ACOT8: variants seen among roughly 807,000 people sequenced by gnomAD.
ACOT8 encodes acyl-coenzyme A thioesterase 8.
ACOT8 carries 31 observed loss-of-function variants against 38.4 expected under a neutral mutation model. The observed-to-expected ratio is 0.81, with a 90% CI of 0.61 to 1.09. The LOEUF (loss-of-function observed/expected upper bound fraction) is 1.09. Ranked by LOEUF, ACOT8 falls within the 50% of genes least tolerant of loss-of-function variation. The pLI is 0.00. For synonymous variants in ACOT8, 158 were observed against 170.3 expected, an observed-to-expected ratio of 0.93 and a Z score of 0.56; for missense variants, 373 against 421.8, an observed-to-expected ratio of 0.88 and a Z score of 1.01.
chr20:45,857,184 C>A lies in ACOT8; in HGVS notation c.128+4G>T. ...GGGGATGCTGGGCAGGAGCTGCCGG[C>A]TACCTGAAGAGATCCTCGTCCAGCG... On this transcript the variant is annotated splice_donor_region_variant and intron_variant, in intron 1 of 5. Transcript: ENST00000217455. The A allele has an allele frequency of 6.2e-7, 1 of 1,611,042 alleles. No individual in the cohort carries two copies.
In ACOT8 at chr20:45,844,335, G is replaced by T. The variant is rs140358367; in HGVS notation, c.574C>A (p.Pro192Thr). 1.3e-4 allele frequency: 211 copies of T among 1,614,172 alleles called. No homozygotes were observed. The Middle Eastern group carries it at 2.8e-3, about 21-fold the overall frequency. Residue 192 changes from proline to threonine, a missense_variant, in exon 4 of 6, where the codon CCA (proline) becomes ACA (threonine). By Grantham distance (38) the Pro-to-Thr change is conservative. Transcript: ENST00000217455. ...CTCTGCAGCTGGCTCAGGGGGGATG[G>T]GTTTACTGGCTTGATCTCAATGGGG... ...EVPIEIKPVN[P>T]SPLSQLQRME...
At chr20:45,857,065 G>A in intron 1 of ACOT8, 123 bp downstream of exon 1, 1 of 1,177,096 alleles carries the variant, frequency 8.5e-7, no homozygotes, top group Non-Finnish European at 1.2e-6. Flanking sequence ...TCTCCTAATC[G>A]TGGCAGAGGG....
chr20:45,843,030 A>G, intron 5 of ACOT8: 2 of 1,111,266 alleles, frequency 1.8e-6, no homozygotes, highest in East Asian at 6.8e-5. Context: ...GATCCCAATC[A>G]GGTTAATCAG....
intron 5 of ACOT8, 158 bp downstream of exon 5, chr20:45,843,369 C>G: frequency 3.1e-6 from 3 of 978,624 alleles, no homozygotes; most frequent in Non-Finnish European, 4.7e-6. Context: ...CGGCCTCACC[C>G]TCTCATTTTG....
intron 3 of ACOT8, 53 bp downstream of exon 3, chr20:45,848,397 C>CA: frequency 6.8e-7 from 1 of 1,463,070 alleles, no homozygotes; most frequent in Non-Finnish European, 9.2e-7. Flanking sequence ...GACCCACAAA[C>CA]AGATAGCAGC....
At chr20:45,855,729 G>A (rs757368707) in intron 1 of ACOT8, among the ~76,000 whole-genome samples, 2 of 151,954 alleles carry the variant, frequency 1.3e-5, no homozygotes, top group African/African-American at 4.8e-5. Context: ...CTCCAGCCTG[G>A]GTGACAGAGC....
chr20:45,843,510 C>A lies in ACOT8; in HGVS notation c.841+17G>T. 2 of 1,605,988 alleles carry A rather than the reference C, an allele frequency of 1.2e-6. No individual in the cohort carries two copies. The highest frequency in any genetic ancestry group is 1.7e-6 in the Non-Finnish European group (2 of 1,175,372). ...ACTCAAGGTCAGTGCCCTTGTCCCA[C>A]ACGGCCCCACACTCACCGGCCCAGG... On this transcript the variant is annotated intron_variant, in intron 5 of 5. Coordinates refer to ENST00000217455, the MANE Select transcript of ACOT8 (RefSeq NM_005469.4).
intron 1 of ACOT8, 68 bp from the exon 2 acceptor site, chr20:45,855,360 C>A: frequency 6.4e-7 from 1 of 1,573,804 alleles, no homozygotes; most frequent in Non-Finnish European, 8.7e-7. Flanking sequence ...CTCACTAAGA[C>A]TCTAATGCAT....
chr20:45,854,495 C>G (rs571108661), intron 2 of ACOT8, among the ~76,000 whole-genome samples: 8 of 152,190 alleles, frequency 5.3e-5, no homozygotes, highest in Non-Finnish European at 1.0e-4. Context: ...AGGCGTGAGC[C>G]ACCGCGCCCG....
chr20:45,841,932 C>G lies in ACOT8; in HGVS notation c.866G>C (p.Gly289Ala). 1 of 1,613,350 alleles carries G rather than the reference C, an allele frequency of 6.2e-7. No individual in the cohort carries two copies. The highest frequency in any genetic ancestry group is 8.5e-7 in the Non-Finnish European group (1 of 1,179,974). ...GACTCCATCCTGACGCCACAGCCGC[C>G]CATGGACCAGCCCCCGAGAGCCACC... is the stretch of plus-strand genomic sequence containing the variant. Reference protein sequence around the residue: ...WAGGSRGLVHGRLWRQDGVLA... With the variant: ...WAGGSRGLVHARLWRQDGVLA... The change falls in exon 6 of 6, where the codon GGG becomes GCG. Residue 289 changes from glycine to alanine, a missense_variant. Coordinates refer to ENST00000217455, the MANE Select transcript of ACOT8 (RefSeq NM_005469.4).
chr20:45,850,455 G>A, intron 2 of ACOT8, among the ~76,000 whole-genome samples: 1 of 152,202 alleles, frequency 6.6e-6, no homozygotes, highest in South Asian at 2.1e-4. Context: ...CTACAAGTCT[G>A]ACTTGTGGAT....
Position 45,857,175 on chromosome 20 carries a change from A to T in ACOT8, c.128+13T>A. The T allele has an allele frequency of 6.2e-7, 1 of 1,608,880 alleles. No individual in the cohort carries two copies. ...CCTAAAGGAGGGGATGCTGGGCAGG[A>T]GCTGCCGGCTACCTGAAGAGATCCT... On this transcript the variant is annotated intron_variant, in intron 1 of 5. Coordinates refer to ENST00000217455, the MANE Select transcript of ACOT8 (RefSeq NM_005469.4).
Position 45,848,455 on chromosome 20 carries a change from A to C in ACOT8, c.483T>G (p.Tyr161Ter), listed in dbSNP as rs746912229. The change falls in exon 3 of 6, where the codon TAT (tyrosine) becomes TAG (stop). Residue 161 changes from tyrosine (Y) to a stop codon, truncating the protein, a stop_gained. Transcript: ENST00000217455. LOFTEE classifies it high-confidence loss of function. ...LLDCETLIDQ[Y>*]LRDPNLQKRY... ...GGAGCCTCCAGGTCTCTCACCTTAA[A>C]TACTGGTCAATGAGGGTCTCACAGT... is the stretch of plus-strand genomic sequence containing the variant. 1.4e-5 allele frequency: 22 copies of C among 1,599,248 alleles called. No homozygotes were observed. In the South Asian group the frequency reaches 2.5e-4, roughly 18 times the overall value.
At chr20:45,853,590 C>A (rs1985197025) in intron 2 of ACOT8, 2 of 173,980 alleles carry the variant, frequency 1.1e-5, no homozygotes. Context: ...AATGCCCCCA[C>A]CCACACAAAA....
At chr20:45,845,828 T>G (rs1037658280) in intron 3 of ACOT8, among the ~76,000 whole-genome samples, 11 of 131,110 alleles carry the variant, frequency 8.4e-5, no homozygotes, top group African/African-American at 1.3e-4. Context: ...CTGACTTTGG[T>G]TTTTTTTTGT....
At chr20:45,843,951 T>G in intron 4 of ACOT8, 1 of 920,282 alleles carries the variant, frequency 1.1e-6, no homozygotes, top group Non-Finnish European at 1.6e-6. Flanking sequence ...TCTCCCACTC[T>G]AGGCCCCAAA....
intron 2 of ACOT8, among the ~76,000 whole-genome samples, chr20:45,849,910 C>A (rs748957982): frequency 1.3e-5 from 2 of 152,122 alleles, no homozygotes; most frequent in East Asian, 1.9e-4. Flanking sequence ...GGTGGGCTAA[C>A]TAGAAGCATG....
chr20:45,848,999 T>G (rs960777337), intron 2 of ACOT8: 3 of 275,044 alleles, frequency 1.1e-5, no homozygotes, highest in Non-Finnish European at 2.0e-5. Context: ...GGGATCATCA[T>G]GGTGCTCATC....
chr20:45,844,879 G>A (rs1387095612), intron 3 of ACOT8, among the ~76,000 whole-genome samples: 2 of 152,144 alleles, frequency 1.3e-5, no homozygotes, highest in East Asian at 3.9e-4. Context: ...AAAAATTGGA[G>A]AGACAGGATT....
Sources: gnomAD v4.1 joint callset for allele counts (sites outside exome capture counted in the v4.1 genomes callset) on GRCh38, gnomAD v4.1.1 for gene constraint, MANE v1.5 for transcripts, NCBI Gene and HGNC (gene_info 2026-07-23, HGNC 2026-07-21) for gene names.